The following ZNF483 variants were observed in gnomAD, a reference collection of about 807,000 sequenced individuals.
ZNF483 encodes zinc finger protein HIT-10.
ZNF483 carries 9 observed loss-of-function variants against 28.6 expected under a neutral mutation model. That is an observed-to-expected ratio of 0.32 (90% CI 0.19 to 0.55). The LOEUF (loss-of-function observed/expected upper bound fraction) is 0.55, where lower values mean the gene tolerates loss of function less well. Among genes scored for constraint, ZNF483 ranks in the 20% least tolerant of loss-of-function variants. ZNF483 has a pLI of 0.93. For synonymous variants in ZNF483, 322 were observed against 306.2 expected, an observed-to-expected ratio of 1.05 and a Z score of -0.54; for missense variants, 675 against 871.7, an observed-to-expected ratio of 0.77 and a Z score of 2.84.
intron 5 of ZNF483, among the ~76,000 whole-genome samples, chr9:111,540,202 C>T (rs1431674211): frequency 6.6e-6 from 1 of 151,832 alleles, no homozygotes; most frequent in Non-Finnish European, 1.5e-5. Context: ...AAAAGAGTAA[C>T]AATACAAAGT....
Position 111,555,248 on chromosome 9 carries a change from A to C in ZNF483, c.*12078A>C, listed in dbSNP as rs1050989434. On this transcript the variant is annotated 3_prime_UTR_variant, in exon 6 of 6. Transcript: ENST00000309235. ...GATAATGCCTCTCATTTCCTGTGGG[A>C]ATTGTGGTGAATTGATAATCACCTG... Among the ~76,000 whole-genome samples the C allele has an allele frequency of 6.6e-6, 1 of 152,160 alleles. No homozygotes were observed. The highest frequency in any genetic ancestry group is 6.5e-5 in the Admixed American group (1 of 15,284).
chr9:111,525,480 C>G (rs964571177), intron 1 of ZNF483, among the ~76,000 whole-genome samples: 1 of 141,874 alleles, frequency 7.0e-6, no homozygotes, highest in African/African-American at 2.7e-5. Context: ...ACATTTTGGG[C>G]GGGATAATGC....
intron 5 of ZNF483, among the ~76,000 whole-genome samples, chr9:111,567,274 G>A (rs1436263966): frequency 6.6e-6 from 1 of 152,044 alleles, no homozygotes; most frequent in African/African-American, 2.4e-5. Flanking sequence ...TGCAACCTCC[G>A]CCTCCCAGGT....
downstream of ZNF483, among the ~76,000 whole-genome samples, chr9:111,559,773 T>C (rs1828222518): frequency 6.6e-6 from 1 of 152,206 alleles, no homozygotes; most frequent in Admixed American, 6.5e-5. Flanking sequence ...ACAGTCACCT[T>C]GCTTGGCTCC....
intron 2 of ZNF483, 97 bp from the exon 3 acceptor site, chr9:111,530,778 T>TAC (rs1396432495): frequency 3.9e-5 from 2 of 51,884 alleles, no homozygotes; most frequent in Admixed American, 1.9e-4. Flanking sequence ...TATATATATA[T>TAC]ATATATATAT....
intron 5 of ZNF483, among the ~76,000 whole-genome samples, chr9:111,560,867 C>T (rs1230414773): frequency 4.2e-5 from 6 of 141,342 alleles, no homozygotes; most frequent in South Asian, 2.2e-4. Context: ...CGCTTGAAGC[C>T]GGGTGGCAGA....
chr9:111,569,931 G>A (rs1828734463), intron 5 of ZNF483: 1 of 1,185,820 alleles, frequency 8.4e-7, no homozygotes, highest in African/African-American at 1.5e-5. Context: ...TTTCAAAGAT[G>A]GGAAAAGTAA....
At chr9:111,565,783 C>T (rs887596986) in intron 5 of ZNF483, among the ~76,000 whole-genome samples, 1 of 152,126 alleles carries the variant, frequency 6.6e-6, no homozygotes, top group Admixed American at 6.6e-5. Context: ...CCTCACCCTC[C>T]TAAAGTGCTG....
At chr9:111,574,617 A>G in intron 5 of ZNF483, 1 of 729,824 alleles carries the variant, frequency 1.4e-6, no homozygotes, top group Non-Finnish European at 2.2e-6. Flanking sequence ...AAAAAAAAAA[A>G]AAAGAATATA....
downstream of ZNF483, among the ~76,000 whole-genome samples, chr9:111,557,538 C>T (rs58719868): frequency 2.3e-4 from 35 of 151,966 alleles, no homozygotes; most frequent in African/African-American, 7.2e-4. Flanking sequence ...CTCCGCCTCC[C>T]GGGTTCAAGT....
rs12342225 is a variant in ZNF483 at position 111,545,855 on chromosome 9, A to G, written c.*2685A>G. On this transcript the variant is annotated 3_prime_UTR_variant, in exon 6 of 6. Coordinates refer to ENST00000309235, the MANE Select transcript of ZNF483 (RefSeq NM_133464.5). ...ATGCTGCTTTGAACATTGGTATGCA[A>G]GTGTTTTGAACGTTAGTGTACAAGT... Among the ~76,000 whole-genome samples, 48,228 of 152,064 alleles carry G rather than the reference A, an allele frequency of 0.32. 8,750 individuals are homozygous for G. Among genetic ancestry groups the G allele is most frequent in the Non-Finnish European group, 0.42 (28,707 of 67,960 alleles).
chr9:111,553,021 C>T lies in ZNF483; in HGVS notation c.*9851C>T, dbSNP rs1828015108. Among the ~76,000 whole-genome samples the T allele has an allele frequency of 6.6e-6, 1 of 152,150 alleles. No individual in the cohort carries two copies. Among genetic ancestry groups the T allele is most frequent in the African/African-American group, 2.4e-5 (1 of 41,448 alleles). On this transcript the variant is annotated 3_prime_UTR_variant, in exon 6 of 6. Coordinates refer to ENST00000309235, the MANE Select transcript of ZNF483 (RefSeq NM_133464.5). ...TTTTATAGCTTGCCAGGTTTACAAA[C>T]TCAGACCCTTTTAAAAGTTGTTTAA...
chr9:111,532,858 G>A (rs901575044), intron 3 of ZNF483, among the ~76,000 whole-genome samples: 1 of 150,740 alleles, frequency 6.6e-6, no homozygotes, highest in East Asian at 1.9e-4. Flanking sequence ...GCAGTGAGCC[G>A]AGATCATGCC....
chr9:111,564,392 A>G, intron 5 of ZNF483: 1 of 265,526 alleles, frequency 3.8e-6, no homozygotes, highest in Non-Finnish European at 6.2e-6. Flanking sequence ...TGCAGTCTCA[A>G]CCTCCTGGGC....
intron 1 of ZNF483, among the ~76,000 whole-genome samples, chr9:111,526,582 AAGG>A (rs757420213): frequency 6.6e-6 from 1 of 152,210 alleles, no homozygotes; most frequent in Non-Finnish European, 1.5e-5. Context: ...TGGGAGAAGT[AAGG>A]AGGAAGAGAA....
intron 5 of ZNF483, 83 bp from the exon 6 acceptor site, chr9:111,541,574 T>C: frequency 9.1e-7 from 1 of 1,098,094 alleles, no homozygotes; most frequent in Non-Finnish European, 1.3e-6. Context: ...CTTATAGTTA[T>C]TAATGTGTTC....
At position 111,544,875 on chromosome 9, in the gene ZNF483, A is replaced by G. The variant is rs1827769060; in HGVS notation, c.*1705A>G. Among the ~76,000 whole-genome samples the G allele has an allele frequency of 6.6e-6, 1 of 152,194 alleles. No homozygotes were observed. Among genetic ancestry groups the G allele is most frequent in the African/African-American group, 2.4e-5 (1 of 41,452 alleles). ...GCTTCAGGTCATAGGGTTCTGGAGG[A>G]ACCCCATGGACTCAACAGTGGTCTA... On this transcript the variant is annotated 3_prime_UTR_variant, in exon 6 of 6. Transcript: ENST00000309235.
chr9:111,547,701 C>T lies in ZNF483; in HGVS notation c.*4531C>T, dbSNP rs968795566. Among the ~76,000 whole-genome samples the T allele has an allele frequency of 6.6e-6, 1 of 152,016 alleles. No homozygotes were observed. Among genetic ancestry groups the T allele is most frequent in the African/African-American group, 2.4e-5 (1 of 41,408 alleles). ...TGTTTCCTGTGCTTTTCTGGTCATA[C>T]CCAAGAAACCATGGCCAAATCCAAT... On this transcript the variant is annotated 3_prime_UTR_variant, in exon 6 of 6. Transcript: ENST00000309235.
chr9:111,536,902 G>GGTACT (rs1193004553), intron 5 of ZNF483, among the ~76,000 whole-genome samples: 1 of 152,178 alleles, frequency 6.6e-6, no homozygotes, highest in African/African-American at 2.4e-5. Flanking sequence ...TAACATTTAC[G>GGTACT]GTACTGTACT....
Sources: gnomAD v4.1 joint callset for allele counts (sites outside exome capture counted in the v4.1 genomes callset) on GRCh38, gnomAD v4.1.1 for gene constraint, MANE v1.5 for transcripts, NCBI Gene and HGNC (gene_info 2026-07-23, HGNC 2026-07-21) for gene names.